PSMB3: variants seen among roughly 807,000 people sequenced by gnomAD.
The protein encoded by PSMB3 is proteasome 20S subunit beta 3.
PSMB3 carries 5 observed loss-of-function variants against 23.3 expected under a neutral mutation model. The ratio of observed to expected loss-of-function variants is 0.21; its 90% CI spans 0.11 to 0.45. The LOEUF is 0.45. PSMB3 is among the 20% of genes least tolerant of loss of function. The probability of loss-of-function intolerance (pLI) is 0.99; values close to 1 mark genes in which losing one functional copy is unlikely to be tolerated. For missense variants in PSMB3, 192 were observed against 277.9 expected (o/e 0.69, Z 2.20); for synonymous variants, 85 against 99.8 (o/e 0.85, Z 0.88).
intron 5 of PSMB3, among the ~76,000 whole-genome samples, chr17:38,763,708 G>A (rs1908552126): frequency 6.6e-6 from 1 of 151,818 alleles, no homozygotes; most frequent in Admixed American, 6.6e-5. Flanking sequence ...TCACCATGTT[G>A]GTCAGGCTGG....
rs778231063 is a variant in PSMB3, at chr17:38,764,079, A to G, written c.570-40A>G. The G allele has an allele frequency of 2.5e-6, 4 of 1,613,288 alleles. No individual in the cohort carries two copies. In the East Asian group the frequency reaches 6.7e-5, roughly 27 times the overall value. On this transcript the variant is annotated intron_variant, in intron 5 of 5. Transcript: ENST00000619426. ...AGAGCTAGTCACAGTCACGGTCCAG[A>G]TGGGTAGAGATGTTTTCTTGTGATT...
intron 3 of PSMB3, among the ~76,000 whole-genome samples, chr17:38,756,262 C>A (rs1908190251): frequency 6.6e-6 from 1 of 152,210 alleles, no homozygotes. Context: ...GGTCTCCCAG[C>A]AGGAGCCACT....
At chr17:38,762,526 G>C in intron 5 of PSMB3, 21 bp downstream of exon 5, 1 of 1,601,822 alleles carries the variant, frequency 6.2e-7, no homozygotes, top group Non-Finnish European at 8.6e-7. Context: ...GCTGGGAGAA[G>C]TCTAGAAGCT....
intron 3 of PSMB3, among the ~76,000 whole-genome samples, chr17:38,756,918 C>T (rs1195114857): frequency 1.4e-5 from 2 of 146,346 alleles, no homozygotes; most frequent in East Asian, 2.0e-4. Flanking sequence ...CTTGCTCTGT[C>T]GCCCTGGTGT....
intron 5 of PSMB3, 119 bp downstream of exon 5, chr17:38,762,624 T>A: frequency 1.1e-6 from 1 of 931,288 alleles, no homozygotes; most frequent in East Asian, 2.7e-5. Context: ...AGAAAGGTGC[T>A]TTTGGCAGTC....
intron 5 of PSMB3, among the ~76,000 whole-genome samples, chr17:38,763,088 G>C (rs1249185262): frequency 6.6e-6 from 1 of 152,200 alleles, no homozygotes; most frequent in Non-Finnish European, 1.5e-5. Flanking sequence ...CAGGCGCGTT[G>C]GCTCACGCCT....
In PSMB3 at chr17:38,752,931, A is replaced by T; in HGVS notation, c.3+102A>T. ...AAAAGGGCCTAGGGTCGATGGAAGG[A>T]AGCGGTTTCAGTTCGAGGGGAGCGG... On this transcript the variant is annotated intron_variant, in intron 1 of 5. Transcript: ENST00000619426. The surrounding 1 kb of genome is among the most constrained non-coding windows in gnomAD (Gnocchi z 5.5). The T allele has an allele frequency of 6.5e-7, 1 of 1,529,622 alleles. No individual in the cohort carries two copies. The highest frequency in any genetic ancestry group is 8.9e-7 in the Non-Finnish European group (1 of 1,120,068). The allele number at this position is 1,529,622 out of a possible 1,614,324, so 94.8% of individuals were successfully genotyped here.
chr17:38,756,359 T>G (rs1390589111), intron 3 of PSMB3, among the ~76,000 whole-genome samples: 1 of 152,154 alleles, frequency 6.6e-6, no homozygotes, highest in Non-Finnish European at 1.5e-5. Flanking sequence ...TCAGTTCTCC[T>G]TGAGGGCTTT....
At chr17:38,755,457 A>G (rs8066373) in intron 2 of PSMB3, 9,003 of 151,936 alleles carry the variant, frequency 0.059, 450 homozygotes, top group African/African-American at 0.13. Context: ...CATCCTGGCT[A>G]ACACCGTGAA....
Position 38,764,139 on chromosome 17 carries a change from C to T in PSMB3, c.590C>T (p.Thr197Ile). Residue 197 changes from threonine to isoleucine, a missense_variant, in exon 6 of 6, where the codon ACC becomes ATC. By Grantham distance (89) the Thr-to-Ile change is moderately conservative (BLOSUM62 -1). Transcript: ENST00000619426. ...TGCAGCGAGAAGGACAAAATCACCA[C>T]CAGGACACTGAAGGCCCGAATGGAC... ...VHIIEKDKITTRTLKARMD is the reference protein window; with the variant it reads ...VHIIEKDKITIRTLKARMD The T allele has an allele frequency of 6.2e-7, 1 of 1,614,222 alleles. No individual in the cohort carries two copies. Among genetic ancestry groups the T allele is most frequent in the Non-Finnish European group, 8.5e-7 (1 of 1,180,022 alleles).
chr17:38,757,882 A>G (rs1056676780), intron 3 of PSMB3, among the ~76,000 whole-genome samples: 2 of 151,894 alleles, frequency 1.3e-5, no homozygotes, highest in Non-Finnish European at 2.9e-5. Flanking sequence ...TCTCAAACTC[A>G]TGACCTCATG....
intron 3 of PSMB3, among the ~76,000 whole-genome samples, chr17:38,760,210 A>T (rs532005553): frequency 2.0e-5 from 3 of 152,336 alleles, no homozygotes; most frequent in Admixed American, 1.3e-4. Flanking sequence ...GAAGGATAGA[A>T]AGGTAAGTGT....
At chr17:38,760,961 C>T (rs527880179) in intron 4 of PSMB3, among the ~76,000 whole-genome samples, 5 of 152,314 alleles carry the variant, frequency 3.3e-5, no homozygotes, top group Admixed American at 6.5e-5. Context: ...TGGATCCACC[C>T]ACCACCTTAG....
At chr17:38,755,716 G>GTGTGTGT (rs1567643499) in intron 2 of PSMB3, among the ~76,000 whole-genome samples, 167 bp from the exon 3 acceptor site, 5 of 95,132 alleles carry the variant, frequency 5.3e-5, no homozygotes, top group East Asian at 2.4e-4. Flanking sequence ...GTGTGTGTGT[G>GTGTGTGT]CTGCCAAAGC....
chr17:38,760,560 C>T lies in PSMB3; in HGVS notation c.426C>T (p.Cys142=), dbSNP rs145480172. The part of the protein sequence containing the change: ...VTDDFVVSGT[C]AEQMYGMCES... ...ATGACTTTGTGGTCAGTGGCACCTGCGCCGAACAAATGTACGGAATGTGTG... is the reference window on the plus strand; with the variant it reads ...ATGACTTTGTGGTCAGTGGCACCTGTGCCGAACAAATGTACGGAATGTGTG... Residue 142 remains cysteine, a synonymous_variant, in exon 4 of 6, where the codon TGC becomes TGT. Transcript: ENST00000619426. 1.3e-4 allele frequency: 210 copies of T among 1,614,238 alleles called. No homozygotes were observed. Among genetic ancestry groups the T allele is most frequent in the Middle Eastern group, 9.9e-4 (6 of 6,062 alleles).
intron 5 of PSMB3, among the ~76,000 whole-genome samples, chr17:38,763,085 G>A (rs192360404): frequency 1.5e-3 from 232 of 152,308 alleles, no homozygotes; most frequent in Non-Finnish European, 2.6e-3. Context: ...GGCCAGGCGC[G>A]TTGGCTCACG....
At chr17:38,758,193 C>T (rs1476699683) in intron 3 of PSMB3, among the ~76,000 whole-genome samples, 3 of 152,062 alleles carry the variant, frequency 2.0e-5, no homozygotes, top group Non-Finnish European at 4.4e-5. Context: ...TCAGCCTGTC[C>T]TGCCAGAAAA....
At chr17:38,763,983 T>G in intron 5 of PSMB3, 136 bp from the exon 6 acceptor site, 1 of 885,200 alleles carries the variant, frequency 1.1e-6, no homozygotes, top group Non-Finnish European at 1.8e-6. Flanking sequence ...TAGTTACACC[T>G]AGAGGCAGCG....
intron 2 of PSMB3, among the ~76,000 whole-genome samples, 171 bp downstream of exon 2, chr17:38,753,505 G>C (rs1010623516): frequency 1.3e-5 from 2 of 150,632 alleles, no homozygotes; most frequent in African/African-American, 4.9e-5. Flanking sequence ...TTTAGACAGG[G>C]ACTTGCTCTG....
Sources: gnomAD v4.1 joint callset for allele counts (sites outside exome capture counted in the v4.1 genomes callset) on GRCh38, gnomAD v4.1.1 for gene constraint, Gnocchi (gnomAD v3.1) non-coding constraint, MANE v1.5 for transcripts, NCBI Gene and HGNC (gene_info 2026-07-23, HGNC 2026-07-21) for gene names.